Variants in PRSS55 observed in about 807,000 individuals in gnomAD.
The protein encoded by PRSS55 is serine protease 55, also known as probable serine protease UNQ9391/PRO34284.
Under a neutral mutation model 23.6 loss-of-function variants are expected in PRSS55, and 41 were observed. That is an observed-to-expected ratio of 1.74 (90% CI 1.35 to 2.26). The LOEUF (loss-of-function observed/expected upper bound fraction) is 2.26. Among genes scored for constraint, PRSS55 ranks in the 30% most tolerant of loss-of-function variants. The pLI is 0.00. For synonymous variants in PRSS55, 262 were observed against 175.5 expected, an observed-to-expected ratio of 1.49 and a Z score of -3.90; for missense variants, 669 against 439.1, an observed-to-expected ratio of 1.52 and a Z score of -4.68.
chr8:10,529,658 G>A lies in PRSS55; in HGVS notation c.306G>A (p.Trp102Ter), dbSNP rs765978923. 1 of 1,614,084 alleles carries A rather than the reference G, an allele frequency of 6.2e-7. No homozygotes were observed. Among genetic ancestry groups the A allele is most frequent in the African/African-American group, 1.3e-5 (1 of 74,938 alleles). ...FCGGSILNKW[W>*]ILTAAHCLYS... ...GCGGCTCCATCCTCAACAAGTGGTG[G>A]ATTCTCACTGCGGCTCACTGCTTAT... is the stretch of plus-strand genomic sequence containing the variant. The change falls in exon 2 of 5, where the codon TGG becomes TGA. Residue 102 changes from tryptophan to a stop codon, truncating the protein, a stop_gained. Coordinates refer to ENST00000328655, the MANE Select transcript of PRSS55 (RefSeq NM_198464.4). LOFTEE classifies it high-confidence loss of function.
At chr8:10,540,054 G>A (rs1052260492), downstream of PRSS55, among the ~76,000 whole-genome samples, 7 of 152,030 alleles carry the variant, frequency 4.6e-5, no homozygotes, top group African/African-American at 7.2e-5. Context: ...AGAGGCTCTC[G>A]CCTCTGCTTT....
At chr8:10,539,441 T>C (rs1812580540), downstream of PRSS55, among the ~76,000 whole-genome samples, 1 of 152,258 alleles carries the variant, frequency 6.6e-6, no homozygotes, top group Non-Finnish European at 1.5e-5. Flanking sequence ...GATGTGCTTA[T>C]GCTCACCCTA....
At chr8:10,546,458 G>A (rs1326177604) in intron 4 of PRSS55, among the ~76,000 whole-genome samples, 10 of 152,116 alleles carry the variant, frequency 6.6e-5, no homozygotes, top group Non-Finnish European at 2.9e-5. Context: ...ATCAATCCCA[G>A]CAGCTAGTTG....
chr8:10,548,500 G>C (rs1268194689), intron 4 of PRSS55, among the ~76,000 whole-genome samples: 1 of 152,136 alleles, frequency 6.6e-6, no homozygotes, highest in East Asian at 1.9e-4. Context: ...GTGGCACCGC[G>C]GGGCTGCACT....
intron 2 of PRSS55, 149 bp downstream of exon 2, chr8:10,529,848 C>A: frequency 3.8e-6 from 3 of 790,822 alleles, no homozygotes; most frequent in Non-Finnish European, 2.0e-6. Flanking sequence ...ACCCACCCCC[C>A]AGCCTGTGGG....
chr8:10,528,329 C>T (rs1472171308), intron 1 of PRSS55, among the ~76,000 whole-genome samples: 3 of 152,138 alleles, frequency 2.0e-5, no homozygotes, highest in Non-Finnish European at 4.4e-5. Context: ...CACAGGGTCA[C>T]CCAAACAACA....
intron 3 of PRSS55, among the ~76,000 whole-genome samples, chr8:10,532,514 C>A (rs569634581): frequency 6.6e-6 from 1 of 152,302 alleles, no homozygotes; most frequent in South Asian, 2.1e-4. Flanking sequence ...AACCCACTTT[C>A]CAAGGCCCTG....
chr8:10,535,073 T>G (rs1003976441), intron 4 of PRSS55, among the ~76,000 whole-genome samples: 1 of 151,964 alleles, frequency 6.6e-6, no homozygotes, highest in African/African-American at 2.4e-5. Context: ...TGAGACAAGA[T>G]AAACAAATGA....
intron 4 of PRSS55, among the ~76,000 whole-genome samples, chr8:10,551,912 G>A (rs1288486631): frequency 6.6e-6 from 1 of 152,204 alleles, no homozygotes; most frequent in Non-Finnish European, 1.5e-5. Context: ...CAAAATCCCT[G>A]CTTTCAAATG....
At chr8:10,534,323 T>G (rs4591994) in intron 4 of PRSS55, among the ~76,000 whole-genome samples, 7 of 151,976 alleles carry the variant, frequency 4.6e-5, no homozygotes, top group African/African-American at 7.3e-5. Flanking sequence ...TTCTTTATAG[T>G]GATGCAAGAA....
exon 5 of PRSS55, chr8:10,554,138 T>C (rs1813011392): frequency 1.6e-6 from 1 of 622,182 alleles, no homozygotes; most frequent in South Asian, 3.1e-5. Context: ...TCCAAATGAC[T>C]GAAAAAATGA....
chr8:10,553,999 G>C (rs568815105), exon 5 of PRSS55: 1 of 1,531,364 alleles, frequency 6.5e-7, no homozygotes, highest in South Asian at 1.2e-5. Context: ...AAACAAAGCC[G>C]CCTGGGTCTC....
chr8:10,535,947 G>T (rs1478160711), intron 4 of PRSS55, among the ~76,000 whole-genome samples: 1 of 152,236 alleles, frequency 6.6e-6, no homozygotes, highest in Non-Finnish European at 1.5e-5. Context: ...AGCACTGTGG[G>T]ACGCCAAGAC....
chr8:10,525,986 T>A (rs1040224673), intron 1 of PRSS55, among the ~76,000 whole-genome samples: 2 of 152,174 alleles, frequency 1.3e-5, no homozygotes, highest in African/African-American at 4.8e-5. Flanking sequence ...AGCTCTTGCC[T>A]AGAACTAGCT....
intron 4 of PRSS55, among the ~76,000 whole-genome samples, chr8:10,552,356 G>T (rs1162738906): frequency 6.6e-6 from 1 of 152,134 alleles, no homozygotes; most frequent in East Asian, 1.9e-4. Flanking sequence ...CCGAGCACCG[G>T]GTTGAAAAAG....
At position 10,538,571 on chromosome 8, in the gene PRSS55, G is replaced by C. The variant is rs771429634; in HGVS notation, c.837G>C (p.Lys279Asn). 5 of 1,614,140 alleles carry C rather than the reference G, an allele frequency of 3.1e-6. No individual in the cohort carries two copies. The highest frequency in any genetic ancestry group is 3.4e-6 in the Non-Finnish European group (4 of 1,179,998). ...IISWGKSCGEKNTPGIYTSLV... is the reference protein window; with the variant it reads ...IISWGKSCGENNTPGIYTSLV... ...GCTGGGGAAAGAGCTGTGGAGAGAA[G>C]AACACCCCAGGGATATACACCTCGT... is the stretch of plus-strand genomic sequence containing the variant. The change falls in exon 5 of 5, where the codon AAG becomes AAC. Residue 279 changes from lysine (K) to asparagine (N), a missense_variant. By Grantham distance (94) the Lys-to-Asn change is moderately conservative. Transcript: ENST00000328655.
intron 2 of PRSS55, among the ~76,000 whole-genome samples, chr8:10,530,846 G>A (rs1401443293): frequency 6.6e-6 from 1 of 152,158 alleles, no homozygotes; most frequent in African/African-American, 2.4e-5. Flanking sequence ...CTGTCTGCTT[G>A]GTCAGTGGCA....
intron 4 of PRSS55, chr8:10,553,938 T>TA: frequency 6.7e-7 from 1 of 1,489,834 alleles, no homozygotes; most frequent in Admixed American, 2.3e-5. Flanking sequence ...ATTTTTTTTT[T>TA]AAAGCAAAGC....
At chr8:10,530,167 G>A (rs1230417623) in intron 2 of PRSS55, among the ~76,000 whole-genome samples, 1 of 152,220 alleles carries the variant, frequency 6.6e-6, no homozygotes, top group Admixed American at 6.5e-5. Flanking sequence ...TGGGGACCCT[G>A]CTAAGAAACT....
Sources: gnomAD v4.1 joint callset for allele counts (sites outside exome capture counted in the v4.1 genomes callset) on GRCh38, gnomAD v4.1.1 for gene constraint, MANE v1.5 for transcripts, NCBI Gene and HGNC (gene_info 2026-07-23, HGNC 2026-07-21) for gene names.